Variants in USP42 observed in about 807,000 individuals in gnomAD.
USP42 encodes the protein ubiquitin carboxyl-terminal hydrolase 42.
In USP42, 23 loss-of-function variants were observed where a neutral mutation model predicts 113.0. The ratio of observed to expected loss-of-function variants is 0.20; its 90% CI spans 0.15 to 0.29. USP42 has a LOEUF of 0.29. Among genes scored for constraint, USP42 ranks in the 10% least tolerant of loss-of-function variants. USP42 has a pLI of 1.00. For missense variants in USP42, 2,174 were observed against 1,779.8 expected (o/e 1.22, Z -3.99); for synonymous variants, 933 against 699.0 (o/e 1.33, Z -5.28).
the USP42 span, among the ~76,000 whole-genome samples, chr7:6,093,700 CT>C: frequency 6.7e-6 from 1 of 149,898 alleles, no homozygotes; most frequent in Non-Finnish European, 1.5e-5. Flanking sequence ...TTCTCTCCCC[CT>C]CCCTTCTTTA....
At chr7:6,125,683 T>A (rs971409327) in intron 3 of USP42, among the ~76,000 whole-genome samples, 2 of 152,216 alleles carry the variant, frequency 1.3e-5, no homozygotes, top group African/African-American at 4.8e-5. Context: ...TTTACCTACT[T>A]GTTTACTGTT....
the USP42 span, among the ~76,000 whole-genome samples, chr7:6,091,228 T>G: frequency 3.3e-5 from 5 of 150,894 alleles, 1 homozygote; most frequent in African/African-American, 1.2e-4. Flanking sequence ...TCTCTTCTCT[T>G]TTCTTTTCTT....
In USP42 at chr7:6,156,802, C is replaced by T. The variant is rs1583699231; in HGVS notation, c.3690C>T (p.Leu1230=). ...DLSAACSDAD[L]HRHKKKKKKK... is the part of the protein sequence containing the mutation. ...CAGCAGCGTGCTCTGACGCTGACCTCCACAGACACAAAAAAAAGAAGAAGA... is the reference window on the plus strand; with the variant it reads ...CAGCAGCGTGCTCTGACGCTGACCTTCACAGACACAAAAAAAAGAAGAAGA... Residue 1230 remains leucine, a synonymous_variant, in exon 16 of 18, where the codon CTC becomes CTT. Transcript: ENST00000306177. The T allele has an allele frequency of 6.2e-7, 1 of 1,603,316 alleles. No homozygotes were observed. Among genetic ancestry groups the T allele is most frequent in the Non-Finnish European group, 8.5e-7 (1 of 1,176,082 alleles).
intron 3 of USP42, among the ~76,000 whole-genome samples, chr7:6,126,294 T>G (rs964581477): frequency 5.9e-5 from 9 of 151,948 alleles, no homozygotes; most frequent in Admixed American, 1.3e-4. Context: ...GTTTCTTTTT[T>G]TTTTTTTTGA....
intron 8 of USP42, among the ~76,000 whole-genome samples, chr7:6,143,518 A>G (rs1781542019): frequency 1.3e-5 from 2 of 152,182 alleles, no homozygotes; most frequent in Non-Finnish European, 2.9e-5. Flanking sequence ...AAGAGTGCCT[A>G]TTTTAAGAAA....
At chr7:6,130,516 A>G (rs964708137) in intron 3 of USP42, among the ~76,000 whole-genome samples, 3 of 152,142 alleles carry the variant, frequency 2.0e-5, no homozygotes, top group East Asian at 1.9e-4. Flanking sequence ...GGCTCCCCAC[A>G]TGATTGTCAC....
In USP42 at chr7:6,157,725, G is replaced by A. The variant is rs940290376; in HGVS notation, c.3943+670G>A. 6.6e-6 allele frequency among the ~76,000 whole-genome samples: 1 copy of A among 152,218 alleles called. No individual in the cohort carries two copies. The highest frequency in any genetic ancestry group is 2.4e-5 in the African/African-American group (1 of 41,460). On this transcript the variant is annotated intron_variant, in intron 16 of 17. Transcript: ENST00000306177. The surrounding 1 kb of genome is among the most constrained non-coding windows in gnomAD (Gnocchi z 4.1). ...CATTCTGAGTGCACCCTGATGCTCGGTACTGATTTGCTCGCTTGGTTCCTT... is the reference window on the plus strand; with the variant it reads ...CATTCTGAGTGCACCCTGATGCTCGATACTGATTTGCTCGCTTGGTTCCTT...
At position 6,115,001 on chromosome 7, in the gene USP42, T is replaced by TA. The variant is rs764899064; in HGVS notation, c.242-322_242-321insA. ...CACTGTGCCCGGCCCTATATATATA[T>TA]TTTTTTAAGCAGTTGTTCAGAGCAG... On this transcript the variant is annotated intron_variant, in intron 2 of 17. Coordinates refer to ENST00000306177, the MANE Select transcript of USP42 (RefSeq NM_032172.3). 1.2e-3 allele frequency among the ~76,000 whole-genome samples: 178 copies of TA among 152,130 alleles called. 1 individual carries two copies. The highest frequency in any genetic ancestry group is 2.1e-3 in the South Asian group (10 of 4,826).
intron 7 of USP42, among the ~76,000 whole-genome samples, chr7:6,142,486 G>A (rs930408939): frequency 6.6e-6 from 1 of 152,108 alleles, no homozygotes; most frequent in Non-Finnish European, 1.5e-5. Flanking sequence ...AACGTGCTGG[G>A]ATTACAGGCG....
chr7:6,125,966 C>G (rs931241764), intron 3 of USP42, among the ~76,000 whole-genome samples: 1 of 152,112 alleles, frequency 6.6e-6, no homozygotes, highest in Non-Finnish European at 1.5e-5. Context: ...AGTGATAACA[C>G]TGTAATGGAA....
intron 3 of USP42, among the ~76,000 whole-genome samples, chr7:6,119,174 C>T (rs1356840265): frequency 6.6e-6 from 1 of 152,056 alleles, no homozygotes; most frequent in African/African-American, 2.4e-5. Context: ...ATGATTGCAC[C>T]ACTGTATTAC....
At position 6,154,346 on chromosome 7, in the gene USP42, A is replaced by C; in HGVS notation, c.2792A>C (p.Lys931Thr). The change falls in exon 15 of 18, where the codon AAA (lysine) becomes ACA (threonine). Residue 931 changes from lysine (K) to threonine (T), a missense_variant. By Grantham distance (78) the Lys-to-Thr change is moderately conservative. Transcript: ENST00000306177. ...AGGGTCGAGGACGCCGCGGCGCCGA[A>C]AGCCCCAGGCCCTTCCCCAGCGAAG... ...GERVEDAAAP[K>T]APGPSPAKEK... is the part of the protein sequence containing the mutation. The C allele has an allele frequency of 6.4e-7, 1 of 1,572,584 alleles. No homozygotes were observed. Among genetic ancestry groups the C allele is most frequent in the Non-Finnish European group, 8.6e-7 (1 of 1,160,292 alleles).
rs971760576 is a variant in USP42 at position 6,139,882 on chromosome 7, C to T, written c.657-246C>T. 5 of 549,786 alleles carry T rather than the reference C, an allele frequency of 9.1e-6. No homozygotes were observed. Among genetic ancestry groups the T allele is most frequent in the South Asian group, 2.1e-5 (1 of 47,078 alleles). 34.1% of individuals were successfully genotyped at this position (549,786 alleles called of 1,614,324 possible). ...CAGGACCAGACTCCTGCCTTGCTTC[C>T]CGAGTCCCTTCCTGACAGACACAGC... On this transcript the variant is annotated intron_variant, in intron 5 of 17. Coordinates refer to ENST00000306177, the MANE Select transcript of USP42 (RefSeq NM_032172.3). This position sits in a 1 kb window ranked among gnomAD's most constrained non-coding sequence, Gnocchi z 4.5.
chr7:6,099,211 C>CTTT, the USP42 span, among the ~76,000 whole-genome samples: 786 of 98,714 alleles, frequency 8.0e-3, 7 homozygotes, highest in East Asian at 0.019. Context: ...TGTTCCCTCT[C>CTTT]TTTTTTTTTT....
At chr7:6,100,527 A>G (rs988697053), upstream of USP42, among the ~76,000 whole-genome samples, 3 of 150,194 alleles carry the variant, frequency 2.0e-5, no homozygotes, top group African/African-American at 7.5e-5. Flanking sequence ...ACGGGGTTTC[A>G]CCATGTTGGC....
In USP42 at chr7:6,149,712, T is replaced by G. The variant is rs1781924326; in HGVS notation, c.1516T>G (p.Ser506Ala). The part of the protein sequence containing the change: ...VNASASVQNW[S>A]VNRSSVIPEH... Reference sequence around the variant, plus strand: ...TGCTTCAGCTTCTGTCCAAAACTGGTCAGTTAATAGGTCCTCAGTGATCCC... The same window carrying G: ...TGCTTCAGCTTCTGTCCAAAACTGGGCAGTTAATAGGTCCTCAGTGATCCC... The change falls in exon 13 of 18, where the codon TCA becomes GCA. Residue 506 changes from serine to alanine, a missense_variant. Coordinates refer to ENST00000306177, the MANE Select transcript of USP42 (RefSeq NM_032172.3). 6.2e-7 allele frequency: 1 copy of G among 1,613,822 alleles called. No homozygotes were observed. The highest frequency in any genetic ancestry group is 8.5e-7 in the Non-Finnish European group (1 of 1,179,892).
chr7:6,152,132 G>T (rs1026315641), intron 14 of USP42, among the ~76,000 whole-genome samples: 1 of 152,220 alleles, frequency 6.6e-6, no homozygotes, highest in East Asian at 1.9e-4. Flanking sequence ...GCTTCACCTC[G>T]CAAAGCAGCA....
intron 3 of USP42, among the ~76,000 whole-genome samples, chr7:6,124,116 T>G (rs908939461): frequency 2.0e-5 from 3 of 152,074 alleles, no homozygotes; most frequent in African/African-American, 7.2e-5. Context: ...CCTCAGGTCA[T>G]CTGCCTGCCT....
chr7:6,092,507 G>T, the USP42 span, among the ~76,000 whole-genome samples: 10,201 of 150,940 alleles, frequency 0.068, 871 homozygotes, highest in African/African-American at 0.15. Flanking sequence ...TGCCATTTCT[G>T]TTGTAAAACT....
Sources: gnomAD v4.1 joint callset for allele counts (sites outside exome capture counted in the v4.1 genomes callset) on GRCh38, gnomAD v4.1.1 for gene constraint, Gnocchi (gnomAD v3.1) non-coding constraint, MANE v1.5 for transcripts, NCBI Gene and HGNC (gene_info 2026-07-23, HGNC 2026-07-21) for gene names.